SPTBN1: variants seen among roughly 807,000 people sequenced by gnomAD.
SPTBN1 encodes spectrin beta, non-erythrocytic 1.
SPTBN1 carries 32 observed loss-of-function variants against 266.4 expected under a neutral mutation model. That is an observed-to-expected ratio of 0.12 (90% CI 0.09 to 0.16). The LOEUF (loss-of-function observed/expected upper bound fraction) is 0.16, where lower values mean the gene tolerates loss of function less well. SPTBN1 is among the 10% of genes least tolerant of loss of function. SPTBN1 has a pLI of 1.00. For missense variants in SPTBN1, 2,296 were observed against 3,067.1 expected (o/e 0.75, Z 5.94); for synonymous variants, 1,336 against 1,162.2 (o/e 1.15, Z -3.04).
In SPTBN1 at chr2:54,620,727, C is replaced by G. The variant is rs17046023; in HGVS notation, c.764-673C>G. Among the ~76,000 whole-genome samples the G allele has an allele frequency of 5.8e-3, 883 of 152,224 alleles. 7 individuals carry two copies. The highest frequency in any genetic ancestry group is 0.02 in the African/African-American group (832 of 41,526). On this transcript the variant is annotated intron_variant, in intron 7 of 35. Coordinates refer to ENST00000356805, the MANE Select transcript of SPTBN1 (RefSeq NM_003128.3). ...GAAATGTCTAGACCAATGCTTGACA[C>G]TTAAAAGAAGCCTGGTGAATATTTG...
chr2:54,631,436 A>G lies in SPTBN1; in HGVS notation c.3389A>G (p.Gln1130Arg). Residue 1130 changes from glutamine (Q) to arginine (R), a missense_variant, in exon 16 of 36, where the codon CAG (glutamine) becomes CGG (arginine). Transcript: ENST00000356805. ...AGGGACATGGGCGAGATGGTCACCC[A>G]GGGGCAGACCGATGCCCAGTACATG... ...KMRDMGEMVTQGQTDAQYMFL... is the reference protein window; with the variant it reads ...KMRDMGEMVTRGQTDAQYMFL... 1.2e-6 allele frequency: 2 copies of G among 1,614,288 alleles called. No individual in the cohort carries two copies. Among genetic ancestry groups the G allele is most frequent in the East Asian group, 4.5e-5 (2 of 44,892 alleles).
At chr2:54,572,469 T>C (rs10170646) in intron 2 of SPTBN1, among the ~76,000 whole-genome samples, 69,150 of 151,878 alleles carry the variant, frequency 0.46, 17,224 homozygotes, top group African/African-American at 0.67. Flanking sequence ...AATGCTTTGC[T>C]AGAAGCCAGG....
At chr2:54,623,208 G>A (rs532003520) in intron 9 of SPTBN1, among the ~76,000 whole-genome samples, 3 of 152,170 alleles carry the variant, frequency 2.0e-5, no homozygotes, top group Non-Finnish European at 4.4e-5. Context: ...TAAGTCCATT[G>A]TCCAGGATTT....
intron 1 of SPTBN1, among the ~76,000 whole-genome samples, chr2:54,490,781 T>C (rs558439673): frequency 6.6e-6 from 1 of 151,932 alleles, no homozygotes; most frequent in African/African-American, 2.4e-5. Flanking sequence ...AAATGATTAG[T>C]GTTAGTTGGA....
intron 1 of SPTBN1, among the ~76,000 whole-genome samples, chr2:54,517,728 C>G: frequency 6.6e-6 from 1 of 151,882 alleles, no homozygotes; most frequent in East Asian, 1.9e-4. Context: ...TCACTGCAAC[C>G]TCCATCACCC....
chr2:54,633,424 TGC>T (rs1491025347), intron 17 of SPTBN1, among the ~76,000 whole-genome samples: 3 of 140,660 alleles, frequency 2.1e-5, no homozygotes, highest in Non-Finnish European at 4.7e-5. Flanking sequence ...TGTGTGTGTG[TGC>T]GTGTGTGTGT....
intron 2 of SPTBN1, among the ~76,000 whole-genome samples, chr2:54,587,535 G>A (rs1160846736): frequency 6.6e-6 from 1 of 152,156 alleles, no homozygotes; most frequent in Non-Finnish European, 1.5e-5. Flanking sequence ...AACTTTTAAG[G>A]GCATTGCAAG....
intron 19 of SPTBN1, among the ~76,000 whole-genome samples, chr2:54,643,673 C>G (rs1264562534): frequency 6.6e-6 from 1 of 151,916 alleles, no homozygotes; most frequent in Non-Finnish European, 1.5e-5. Flanking sequence ...TATAGTGTTT[C>G]AGATTCTTCA....
intron 2 of SPTBN1, among the ~76,000 whole-genome samples, chr2:54,565,518 A>G (rs912930172): frequency 1.3e-5 from 2 of 152,210 alleles, no homozygotes; most frequent in African/African-American, 4.8e-5. Flanking sequence ...ATAGAAAGAG[A>G]TATAAGTTTA....
In SPTBN1 at chr2:54,599,179, A is replaced by G; in HGVS notation, c.236A>G (p.Tyr79Cys). 6.2e-7 allele frequency: 1 copy of G among 1,614,198 alleles called. No homozygotes were observed. Among genetic ancestry groups the G allele is most frequent in the Non-Finnish European group, 8.5e-7 (1 of 1,180,040 alleles). Residue 79 changes from tyrosine (Y) to cysteine (C), a missense_variant, in exon 3 of 36, where the codon TAC becomes TGC. Transcript: ENST00000356805. ...GTGTCCTGCCGGATCACAGACCTGT[A>G]CACTGACCTTCGAGATGGACGGATG... The part of the protein sequence containing the change: ...ARVSCRITDL[Y>C]TDLRDGRMLI...
chr2:54,548,781 C>G (rs549302618), intron 2 of SPTBN1, among the ~76,000 whole-genome samples: 54 of 152,150 alleles, frequency 3.5e-4, no homozygotes, highest in Admixed American at 2.6e-3. Context: ...AAAGGAACTT[C>G]TGACACCTGT....
intron 1 of SPTBN1, among the ~76,000 whole-genome samples, chr2:54,522,311 AGACAAG>A (rs1670489767): frequency 6.6e-6 from 1 of 152,168 alleles, no homozygotes; most frequent in South Asian, 2.1e-4. Context: ...TTTAAGCTTA[AGACAAG>A]AATTATCACT....
chr2:54,544,409 A>C (rs992944769), intron 2 of SPTBN1, among the ~76,000 whole-genome samples: 11 of 152,216 alleles, frequency 7.2e-5, no homozygotes, highest in Non-Finnish European at 1.5e-4. Flanking sequence ...AGACTTTGAG[A>C]TACCTCAGGT....
At chr2:54,480,865 T>G (rs1321753647) in intron 1 of SPTBN1, among the ~76,000 whole-genome samples, 1 of 152,206 alleles carries the variant, frequency 6.6e-6, no homozygotes, top group African/African-American at 2.4e-5. Flanking sequence ...TTAGTTAAGG[T>G]GACTTATTGA....
chr2:54,642,287 A>G (rs932992569), intron 18 of SPTBN1, among the ~76,000 whole-genome samples: 3 of 152,164 alleles, frequency 2.0e-5, no homozygotes, highest in African/African-American at 4.8e-5. Flanking sequence ...GCGGCTCTCT[A>G]GAGTTCAGAT....
chr2:54,467,638 GC>G (rs1693708240), intron 1 of SPTBN1, among the ~76,000 whole-genome samples: 1 of 152,112 alleles, frequency 6.6e-6, no homozygotes, highest in Non-Finnish European at 1.5e-5. Flanking sequence ...ACCCTCCTTG[GC>G]CTCCCAAAAT....
chr2:54,660,905 C>T, intron 32 of SPTBN1: 3 of 985,462 alleles, frequency 3.0e-6, no homozygotes, highest in Non-Finnish European at 3.6e-6. Flanking sequence ...GCCTCACAGA[C>T]TTCCATGCCT....
chr2:54,585,320 G>A (rs1675218875), intron 2 of SPTBN1, among the ~76,000 whole-genome samples: 1 of 152,164 alleles, frequency 6.6e-6, no homozygotes. Context: ...CAACTGCCCT[G>A]CCCTCTTCTG....
chr2:54,467,432 TC>T (rs1693693146), intron 1 of SPTBN1, among the ~76,000 whole-genome samples: 2 of 152,166 alleles, frequency 1.3e-5, no homozygotes, highest in Non-Finnish European at 2.9e-5. Flanking sequence ...CTTGCTCTTA[TC>T]CCCCAGGCTG....
Sources: allele counts gnomAD v4.1 joint callset (sites outside exome capture counted in the v4.1 genomes callset), GRCh38; gene constraint gnomAD v4.1.1; transcripts MANE v1.5; gene names NCBI Gene and HGNC (gene_info 2026-07-23, HGNC 2026-07-21).